Variants in ASB1 observed in about 807,000 individuals in gnomAD.
The protein encoded by ASB1 is ankyrin repeat and SOCS box protein 1.
ASB1 carries 18 observed loss-of-function variants against 27.7 expected under a neutral mutation model. That is an observed-to-expected ratio of 0.65 (90% CI 0.45 to 0.96). The LOEUF (loss-of-function observed/expected upper bound fraction) is 0.96, where lower values mean the gene tolerates loss of function less well. Ranked by LOEUF, ASB1 falls within the 50% of genes least tolerant of loss-of-function variation. ASB1 has a pLI of 0.00. For missense variants in ASB1, 397 were observed against 451.7 expected, an observed-to-expected ratio of 0.88 and a Z score of 1.10; for synonymous variants, 189 against 187.6, an observed-to-expected ratio of 1.01 and a Z score of -0.06.
chr2:238,436,304 A>G (rs1489540194), intron 3 of ASB1, among the ~76,000 whole-genome samples: 3 of 151,790 alleles, frequency 2.0e-5, no homozygotes, highest in South Asian at 2.1e-4. Flanking sequence ...ACCTTTTACT[A>G]TAGTTTTGAC....
At chr2:238,431,068 T>C (rs508483) in intron 1 of ASB1, among the ~76,000 whole-genome samples, 72,366 of 151,926 alleles carry the variant, frequency 0.48, 18,773 homozygotes, top group Middle Eastern at 0.64. Flanking sequence ...ACGCTAGGCA[T>C]TGCCTTCTCC....
At chr2:238,427,810 C>T (rs1433058455) in intron 1 of ASB1, 3 of 152,400 alleles carry the variant, frequency 2.0e-5, no homozygotes, top group African/African-American at 7.2e-5. Flanking sequence ...GGAGTTCCTT[C>T]TTGCTGGATT....
chr2:238,441,192 T>C (rs1702071681), intron 3 of ASB1, among the ~76,000 whole-genome samples: 1 of 151,560 alleles, frequency 6.6e-6, no homozygotes, highest in Non-Finnish European at 1.5e-5. Context: ...GCTAGAGAAG[T>C]GGCATGATCT....
chr2:238,441,460 C>T (rs1216443915), intron 3 of ASB1, among the ~76,000 whole-genome samples: 1 of 152,152 alleles, frequency 6.6e-6, no homozygotes, highest in Non-Finnish European at 1.5e-5. Flanking sequence ...GGAAATCTAG[C>T]TTGTATCCTT....
intron 3 of ASB1, among the ~76,000 whole-genome samples, chr2:238,438,901 T>C (rs1702023890): frequency 6.6e-6 from 1 of 152,236 alleles, no homozygotes. Flanking sequence ...GTTCTCCCAG[T>C]GCTTCCTTGC....
rs1702235670 is a variant in ASB1, at chr2:238,449,294, T to TG, written c.*2787dup. On this transcript the variant is annotated 3_prime_UTR_variant, in exon 5 of 5. Transcript: ENST00000264607. Reference sequence around the variant, plus strand: ...TTTAGGAAATCACCTTTCTAAGCCCTGGGGCGCCCAAGTCCCATGGGACAG... The same window carrying TG: ...TTTAGGAAATCACCTTTCTAAGCCCTGGGGGCGCCCAAGTCCCATGGGACAG... The TG allele has an allele frequency of 6.6e-6, 1 of 152,214 alleles. No individual in the cohort carries two copies. Among genetic ancestry groups the TG allele is most frequent in the Admixed American group, 6.5e-5 (1 of 15,284 alleles). The allele number at this position is 152,214 out of a possible 1,614,324, so 9.4% of individuals were successfully genotyped here.
chr2:238,444,608 G>A lies in ASB1; in HGVS notation c.761G>A (p.Ser254Asn), dbSNP rs768359941. Residue 254 changes from serine (S) to asparagine (N), a missense_variant, in exon 4 of 5, where the codon AGC (serine) becomes AAC (asparagine). Coordinates refer to ENST00000264607, the MANE Select transcript of ASB1 (RefSeq NM_001040445.3). The stretch of plus-strand genomic sequence containing the variant: ...CACGGCTGTGAGGCAGCCTTCGTGA[G>A]CCTGCTGGTAGAATTTGGAGCCAAC... ...LRHGCEAAFVSLLVEFGANLN... is the reference protein window; with the variant it reads ...LRHGCEAAFVNLLVEFGANLN... 5.6e-6 allele frequency: 9 copies of A among 1,614,104 alleles called. No homozygotes were observed. The East Asian group carries it at 6.7e-5, about 12-fold the overall frequency.
At chr2:238,437,718 T>C (rs1702000118) in intron 3 of ASB1, among the ~76,000 whole-genome samples, 1 of 152,196 alleles carries the variant, frequency 6.6e-6, no homozygotes, top group Non-Finnish European at 1.5e-5. Flanking sequence ...TCAGGGAAAT[T>C]TTTCTGTATT....
In ASB1 at chr2:238,436,132, T is replaced by G. The variant is rs571084250; in HGVS notation, c.494+119T>G. Reference sequence around the variant, plus strand: ...GATGACTCGCCTGTTTTGCTGGCCTTTGTAAAGAGCTGCCTCTTGGCTTTA... The same window carrying G: ...GATGACTCGCCTGTTTTGCTGGCCTGTGTAAAGAGCTGCCTCTTGGCTTTA... On this transcript the variant is annotated intron_variant, in intron 3 of 4. Coordinates refer to ENST00000264607, the MANE Select transcript of ASB1 (RefSeq NM_001040445.3). The G allele has an allele frequency of 1.1e-5, 11 of 974,538 alleles. No individual in the cohort carries two copies. The South Asian group carries it at 2.1e-4, about 18-fold the overall frequency. 60.4% of individuals were successfully genotyped at this position (974,538 alleles called of 1,614,324 possible). A position where few individuals can be genotyped will look rare whatever the true frequency, so the allele number is the denominator to read the frequency against.
chr2:238,433,359 C>G, intron 1 of ASB1, 195 bp from the exon 2 acceptor site: 5 of 589,612 alleles, frequency 8.5e-6, no homozygotes, highest in Non-Finnish European at 1.5e-5. Flanking sequence ...CTCCTGGCCT[C>G]AAGTGATCCT....
intron 3 of ASB1, among the ~76,000 whole-genome samples, chr2:238,437,405 T>C (rs557877856): frequency 8.0e-4 from 122 of 152,186 alleles, no homozygotes; most frequent in Admixed American, 1.6e-3. Context: ...CTAATTTTTG[T>C]ATTTTTGGTA....
chr2:238,449,661 A>T lies in ASB1; in HGVS notation c.*3150A>T, dbSNP rs559419212. On this transcript the variant is annotated 3_prime_UTR_variant, in exon 5 of 5. Transcript: ENST00000264607. ...ACTCGTGTTATTTATTTATTTATTT[A>T]TATTCTGCCTTGTTCCAGAAAAGTG... is the stretch of plus-strand genomic sequence containing the variant. 1 of 152,224 alleles carries T rather than the reference A, an allele frequency of 6.6e-6. No homozygotes were observed. Among genetic ancestry groups the T allele is most frequent in the South Asian group, 2.1e-4 (1 of 4,824 alleles). 9.4% of individuals were successfully genotyped at this position (152,224 alleles called of 1,614,324 possible).
Position 238,435,960 on chromosome 2 carries a change from T to C in ASB1, c.441T>C (p.Pro147=), listed in dbSNP as rs201018863. ...PNGSRHHRST[P]VYHASRVGRA... is the part of the protein sequence containing the mutation. ...GAAGCCGGCACCATCGCAGCACCCC[T>C]GTCTACCACGCCTCTCGCGTGGGCC... The change falls in exon 3 of 5, where the codon CCT becomes CCC. Residue 147 remains proline (P), a synonymous_variant. Transcript: ENST00000264607. 28 of 1,614,038 alleles carry C rather than the reference T, an allele frequency of 1.7e-5. No individual in the cohort carries two copies. The African/African-American group carries it at 3.6e-4, about 21-fold the overall frequency.
At position 238,444,518 on chromosome 2, in the gene ASB1, G is replaced by T; in HGVS notation, c.671G>T (p.Gly224Val). The change falls in exon 4 of 5, where the codon GGT becomes GTT. Residue 224 changes from glycine to valine, a missense_variant. By Grantham distance (109) the Gly-to-Val change is moderately radical (BLOSUM62 -3). Coordinates refer to ENST00000264607, the MANE Select transcript of ASB1 (RefSeq NM_001040445.3). ...AGANPDFNCNGPVNTQGFYRG... is the reference protein window; with the variant it reads ...AGANPDFNCNVPVNTQGFYRG... ...GCGAACCCTGACTTCAACTGCAATG[G>T]TCCTGTCAACACACAGGGATTCTAC... 6.2e-7 allele frequency: 1 copy of T among 1,614,170 alleles called. No individual in the cohort carries two copies.
chr2:238,445,204 C>T (rs1249832910), intron 4 of ASB1, among the ~76,000 whole-genome samples: 1 of 152,052 alleles, frequency 6.6e-6, no homozygotes, highest in Non-Finnish European at 1.5e-5. Context: ...GTGTTGAACT[C>T]CTGGGCTCAA....
chr2:238,442,072 G>A (rs1472936657), intron 3 of ASB1, among the ~76,000 whole-genome samples: 1 of 151,858 alleles, frequency 6.6e-6, no homozygotes, highest in Non-Finnish European at 1.5e-5. Context: ...GTGAGGCTGA[G>A]TGTGTTTTCA....
Position 238,444,749 on chromosome 2 carries a change from C to G in ASB1, c.880+22C>G, listed in dbSNP as rs542091180. The G allele has an allele frequency of 2.3e-5, 36 of 1,577,692 alleles. 1 individual carries two copies. The South Asian group carries it at 3.9e-4, about 17-fold the overall frequency. ...AGAAGTAAGTGGCTTGAGTTCAGCT[C>G]TGACTTGTGGGCTGGGTTGATTGAA... On this transcript the variant is annotated intron_variant, in intron 4 of 4. Coordinates refer to ENST00000264607, the MANE Select transcript of ASB1 (RefSeq NM_001040445.3).
chr2:238,438,451 C>T (rs552502255), intron 3 of ASB1, among the ~76,000 whole-genome samples: 6 of 152,208 alleles, frequency 3.9e-5, no homozygotes, highest in South Asian at 2.1e-4. Context: ...CCGCCCGCCT[C>T]GGCCTCCCAA....
Position 238,446,653 on chromosome 2 carries a change from C to T in ASB1, c.*142C>T, listed in dbSNP as rs956517407. The stretch of plus-strand genomic sequence containing the variant: ...GTCCTCGTAGACTGTCATTGCTCCT[C>T]AGGTGCCTGGGCCGCTGAACAGTCC... On this transcript the variant is annotated 3_prime_UTR_variant, in exon 5 of 5. Coordinates refer to ENST00000264607, the MANE Select transcript of ASB1 (RefSeq NM_001040445.3). 1 of 1,100,882 alleles carries T rather than the reference C, an allele frequency of 9.1e-7. No homozygotes were observed. Among genetic ancestry groups the T allele is most frequent in the Non-Finnish European group, 1.3e-6 (1 of 742,884 alleles). 68.2% of individuals were successfully genotyped at this position (1,100,882 alleles called of 1,614,324 possible).
Sources: gnomAD v4.1 joint callset for allele counts (sites outside exome capture counted in the v4.1 genomes callset) on GRCh38, gnomAD v4.1.1 for gene constraint, MANE v1.5 for transcripts, NCBI Gene and HGNC (gene_info 2026-07-23, HGNC 2026-07-21) for gene names.